The following SCN11A variants were observed in gnomAD, a reference collection of about 807,000 sequenced individuals.
SCN11A encodes sodium voltage-gated channel alpha subunit 11.
In SCN11A, 122 loss-of-function variants were observed where a neutral mutation model predicts 162.2. The observed-to-expected ratio is 0.75, with a 90% CI of 0.65 to 0.87. The LOEUF is 0.87. Ranked by LOEUF, SCN11A falls within the 40% of genes least tolerant of loss-of-function variation. SCN11A has a pLI of 0.00. For missense variants in SCN11A, 2,015 were observed against 2,181.6 expected (o/e 0.92, Z 1.52); for synonymous variants, 758 against 751.5 (o/e 1.01, Z -0.14).
At chr3:39,018,840 A>C (rs979025271) in intron 2 of SCN11A, among the ~76,000 whole-genome samples, 9 of 152,126 alleles carry the variant, frequency 5.9e-5, no homozygotes, top group African/African-American at 1.9e-4. Flanking sequence ...ATAAATAAAT[A>C]AATCATTGTT....
intron 2 of SCN11A, among the ~76,000 whole-genome samples, chr3:38,971,159 G>GTT (rs554242537): frequency 6.8e-5 from 10 of 146,190 alleles, no homozygotes; most frequent in African/African-American, 1.2e-4. Flanking sequence ...TCTTTTTCTT[G>GTT]TTTTTTTTTT....
At chr3:38,913,905 T>C (rs1001039010) in intron 11 of SCN11A, among the ~76,000 whole-genome samples, 1 of 152,204 alleles carries the variant, frequency 6.6e-6, no homozygotes, top group African/African-American at 2.4e-5. Context: ...CCCTGTTGTA[T>C]ATTTTGAAGT....
intron 19 of SCN11A, among the ~76,000 whole-genome samples, chr3:38,892,205 G>C (rs1180266799): frequency 3.3e-5 from 5 of 152,032 alleles, no homozygotes; most frequent in African/African-American, 1.2e-4. Context: ...CAAAAATGAA[G>C]ATGAAATAAT....
chr3:38,946,950 C>A (rs1274365380), intron 5 of SCN11A, 43 bp from the exon 6 acceptor site: 1 of 1,120,008 alleles, frequency 8.9e-7, no homozygotes, highest in Non-Finnish European at 1.3e-6. Context: ...CACACATACA[C>A]AACAGGAATT....
At chr3:39,007,152 G>C (rs1289856908) in intron 2 of SCN11A, among the ~76,000 whole-genome samples, 1 of 152,156 alleles carries the variant, frequency 6.6e-6, no homozygotes, top group African/African-American at 2.4e-5. Flanking sequence ...ATCACTGGGA[G>C]ATTTTAGAAT....
intron 28 of SCN11A, among the ~76,000 whole-genome samples, chr3:38,855,867 C>A (rs2064860299): frequency 6.6e-6 from 1 of 152,200 alleles, no homozygotes; most frequent in Non-Finnish European, 1.5e-5. Flanking sequence ...GCTGGGAAAC[C>A]TGAAAACAGA....
chr3:38,910,066 C>T lies in SCN11A; in HGVS notation c.1101G>A (p.Gln367=). 1.2e-6 allele frequency: 2 copies of T among 1,613,406 alleles called. No individual in the cohort carries two copies. The highest frequency in any genetic ancestry group is 8.5e-7 in the Non-Finnish European group (1 of 1,179,744). The stretch of plus-strand genomic sequence containing the variant: ...AAAAGAGAGACTATAAATAGATAAC[C>T]TGTTGATAAAGCTTCTCCCAGGAAT... ...TQDSWEKLYQ[Q]TLRTTGLYSV... The change falls in exon 12 of 30, where the codon CAG becomes CAA. Residue 367 remains glutamine, a splice_region_variant and synonymous_variant. Coordinates refer to ENST00000302328, the MANE Select transcript of SCN11A (RefSeq NM_001349253.2).
intron 2 of SCN11A, among the ~76,000 whole-genome samples, chr3:39,002,363 CTA>C (rs1474530154): frequency 2.0e-5 from 3 of 152,294 alleles, no homozygotes; most frequent in South Asian, 2.1e-4. Context: ...TGCAAATGGA[CTA>C]TGTTTGTGAA....
At chr3:38,969,081 A>G (rs1239526602) in intron 2 of SCN11A, among the ~76,000 whole-genome samples, 2 of 152,120 alleles carry the variant, frequency 1.3e-5, no homozygotes, top group Non-Finnish European at 2.9e-5. Flanking sequence ...TTATTTGTGC[A>G]GGAGGGTGCA....
In SCN11A at chr3:38,942,539, A is replaced by G. The variant is rs77658973; in HGVS notation, c.488+2872T>C. Among the ~76,000 whole-genome samples the G allele has an allele frequency of 8.0e-3, 1,221 of 152,312 alleles. 19 individuals are homozygous for G. Among genetic ancestry groups the G allele is most frequent in the African/African-American group, 0.028 (1,174 of 41,588 alleles). On this transcript the variant is annotated intron_variant, in intron 7 of 29. Transcript: ENST00000302328. The stretch of plus-strand genomic sequence containing the variant: ...GAAATTAGATAATAATCAGACAACC[A>G]GAAAACAACTAGAAAGGTATAAAAT...
chr3:38,895,298 C>G (rs918009830), intron 18 of SCN11A, among the ~76,000 whole-genome samples: 2 of 152,134 alleles, frequency 1.3e-5, no homozygotes, highest in East Asian at 1.9e-4. Flanking sequence ...TGAGGAACAG[C>G]TGGATAGTGA....
At chr3:38,935,815 T>C (rs1169402035) in intron 7 of SCN11A, among the ~76,000 whole-genome samples, 1 of 152,204 alleles carries the variant, frequency 6.6e-6, no homozygotes, top group Admixed American at 6.5e-5. Context: ...GTACCATTCC[T>C]TCTGAACTAT....
At position 38,894,541 on chromosome 3, in the gene SCN11A, C is replaced by T. The variant is rs1187060553; in HGVS notation, c.2827G>A (p.Glu943Lys). 3 of 1,601,432 alleles carry T rather than the reference C, an allele frequency of 1.9e-6. No individual in the cohort carries two copies. Among genetic ancestry groups the T allele is most frequent in the African/African-American group, 2.7e-5 (2 of 74,782 alleles). ...TGTGTGAACCTTCATACCTGTTGTT[C>T]AGGCTCAGGTTGTGTGATGCGCTGT... is the stretch of plus-strand genomic sequence containing the variant. ...NAQRITQPEPEQQAYELHQEN... is the reference protein window; with the variant it reads ...NAQRITQPEPKQQAYELHQEN... Residue 943 changes from glutamate (E) to lysine (K), a missense_variant, in exon 19 of 30, where the codon GAA becomes AAA. Glu to Lys is a moderately conservative substitution (Grantham distance 56, BLOSUM62 1). Transcript: ENST00000302328.
chr3:39,012,486 C>CTT lies in SCN11A; in HGVS notation c.-280+19892_-280+19893dup, dbSNP rs112265845. 6.6e-4 allele frequency among the ~76,000 whole-genome samples: 80 copies of CTT among 121,352 alleles called. 3 individuals are homozygous for CTT. The highest frequency in any genetic ancestry group is 2.5e-3 in the African/African-American group (74 of 29,952). The allele number at this position is 121,352 out of a possible 152,430, so 79.6% of individuals were successfully genotyped here. A position where few individuals can be genotyped will look rare whatever the true frequency, so the allele number is the denominator to read the frequency against. On this transcript the variant is annotated intron_variant, in intron 2 of 29. Coordinates refer to ENST00000302328, the MANE Select transcript of SCN11A (RefSeq NM_001349253.2). ...TCTTTCTCTCTCTCTTTCTCTCTTT[C>CTT]TTTTTTTTTTTTTTGACAGAATCTT...
chr3:38,985,020 G>T (rs1376152451), intron 2 of SCN11A, among the ~76,000 whole-genome samples: 2 of 150,538 alleles, frequency 1.3e-5, no homozygotes, highest in Non-Finnish European at 2.9e-5. Flanking sequence ...TGGTCACTAG[G>T]CTGCAGCAGA....
chr3:39,030,009 G>A (rs2031707034), intron 2 of SCN11A, among the ~76,000 whole-genome samples: 1 of 152,192 alleles, frequency 6.6e-6, no homozygotes, highest in Non-Finnish European at 1.5e-5. Context: ...TCCACCATCT[G>A]CTGAGGGTTG....
intron 2 of SCN11A, among the ~76,000 whole-genome samples, chr3:38,967,624 T>A (rs182673492): frequency 1.4e-4 from 22 of 152,304 alleles, no homozygotes; most frequent in African/African-American, 4.6e-4. Flanking sequence ...CAAGGCAGAC[T>A]CTTGAGGTGG....
chr3:38,930,627 T>C lies in SCN11A; in HGVS notation c.489-3696A>G, dbSNP rs115313756. On this transcript the variant is annotated intron_variant, in intron 7 of 29. Coordinates refer to ENST00000302328, the MANE Select transcript of SCN11A (RefSeq NM_001349253.2). Reference sequence around the variant, plus strand: ...CTGTCGCTGCTGTTTCTGCCTGACATTCTAGTCTCCCACCTCTTACTTCCA... The same window carrying C: ...CTGTCGCTGCTGTTTCTGCCTGACACTCTAGTCTCCCACCTCTTACTTCCA... Among the ~76,000 whole-genome samples the C allele has an allele frequency of 3.0e-3, 461 of 152,314 alleles. 3 individuals carry two copies. Among genetic ancestry groups the C allele is most frequent in the Non-Finnish European group, 3.2e-3 (215 of 68,016 alleles).
At chr3:38,894,999 G>C in intron 18 of SCN11A, 35 bp from the exon 19 acceptor site, 2 of 1,543,878 alleles carry the variant, frequency 1.3e-6, no homozygotes, top group African/African-American at 1.4e-5. Flanking sequence ...AGAAAGGAAA[G>C]TTTAGCAAAG....
Sources: allele counts gnomAD v4.1 joint callset (sites outside exome capture counted in the v4.1 genomes callset), GRCh38; gene constraint gnomAD v4.1.1; transcripts MANE v1.5; gene names NCBI Gene and HGNC (gene_info 2026-07-23, HGNC 2026-07-21).